CPS1: variants seen among roughly 807,000 people sequenced by gnomAD.
The protein encoded by CPS1 is carbamoyl-phosphate synthase 1.
CPS1 carries 109 observed loss-of-function variants against 174.6 expected under a neutral mutation model. The observed-to-expected ratio is 0.62, with a 90% confidence interval of 0.53 to 0.73. The LOEUF is 0.73. Ranked by LOEUF, CPS1 falls within the 30% of genes least tolerant of loss-of-function variation. CPS1 has a pLI of 0.00. For missense variants in CPS1, 1,689 were observed against 1,821.9 expected (o/e 0.93, Z 1.33); for synonymous variants, 637 against 632.0 (o/e 1.01, Z -0.12).
chr2:210,508,381 G>A (rs532344311), intron 1 of CPS1, among the ~76,000 whole-genome samples: 10 of 151,792 alleles, frequency 6.6e-5, no homozygotes, highest in South Asian at 2.1e-4. Context: ...TCAAAGCAGT[G>A]TGTAGAGGGA....
At chr2:210,514,232 T>G (rs1179963025) in intron 1 of CPS1, among the ~76,000 whole-genome samples, 1 of 151,896 alleles carries the variant, frequency 6.6e-6, no homozygotes, top group Non-Finnish European at 1.5e-5. Context: ...TGACATTGGT[T>G]GTTTGATAGG....
At chr2:210,597,072 T>G (rs968913757) in intron 13 of CPS1, among the ~76,000 whole-genome samples, 5 of 151,912 alleles carry the variant, frequency 3.3e-5, no homozygotes, top group Non-Finnish European at 7.4e-5. Flanking sequence ...ATAATTTGAC[T>G]TATAAAAAAT....
At chr2:210,565,069 C>G (rs1398640708) in intron 1 of CPS1, among the ~76,000 whole-genome samples, 1 of 151,412 alleles carries the variant, frequency 6.6e-6, no homozygotes. Context: ...GATCATATAG[C>G]TATTTTTGTA....
chr2:210,580,379 C>T (rs938083788), intron 5 of CPS1, among the ~76,000 whole-genome samples: 1 of 151,952 alleles, frequency 6.6e-6, no homozygotes, highest in Non-Finnish European at 1.5e-5. Context: ...CAACATCTGA[C>T]CCCTCCTCTG....
In CPS1 at chr2:210,624,339, C is replaced by G. The variant is rs558755241; in HGVS notation, c.2687+7798C>G. On this transcript the variant is annotated intron_variant, in intron 21 of 37. Transcript: ENST00000233072. The stretch of plus-strand genomic sequence containing the variant: ...TGAATATATACTATATGTGAAGTAA[C>G]AAACTTTAAAGAAAAACAGTCTTAC... Among the ~76,000 whole-genome samples, 3 of 152,156 alleles carry G rather than the reference C, an allele frequency of 2.0e-5. No individual in the cohort carries two copies. In the East Asian group the frequency reaches 5.8e-4, roughly 29 times the overall value.
At chr2:210,517,745 T>A (rs1299082373) in intron 1 of CPS1, among the ~76,000 whole-genome samples, 1 of 152,010 alleles carries the variant, frequency 6.6e-6, no homozygotes, top group East Asian at 1.9e-4. Context: ...TTTGAATTTT[T>A]TTCCTAGAGG....
intron 14 of CPS1, among the ~76,000 whole-genome samples, chr2:210,600,305 G>A (rs562118158): frequency 4.0e-4 from 61 of 151,854 alleles, no homozygotes; most frequent in African/African-American, 1.5e-3. Context: ...ATAATACTAT[G>A]ACTTTTATTA....
intron 1 of CPS1, among the ~76,000 whole-genome samples, chr2:210,489,967 C>A (rs1694826094): frequency 7.5e-6 from 1 of 133,270 alleles, no homozygotes; most frequent in African/African-American, 2.8e-5. Flanking sequence ...CACTGCACTC[C>A]AGCCTGGGTG....
At chr2:210,505,857 G>T (rs1695266427) in intron 1 of CPS1, among the ~76,000 whole-genome samples, 1 of 152,212 alleles carries the variant, frequency 6.6e-6, no homozygotes, top group African/African-American at 2.4e-5. Context: ...ACCTGCCATT[G>T]CTGAGGCTTG....
At chr2:210,517,832 A>T (rs571480296) in intron 1 of CPS1, among the ~76,000 whole-genome samples, 9 of 152,110 alleles carry the variant, frequency 5.9e-5, no homozygotes, top group African/African-American at 2.2e-4. Flanking sequence ...TCTTATGGCT[A>T]TGCTGTAGTT....
Position 210,590,389 on chromosome 2 carries a change from G to C in CPS1, c.840+155G>C, listed in dbSNP as rs182548513. 7.4e-3 allele frequency among the ~76,000 whole-genome samples: 1,123 copies of C among 152,122 alleles called. 9 individuals are homozygous for C. Among genetic ancestry groups the C allele is most frequent in the Middle Eastern group, 0.014 (4 of 294 alleles). On this transcript the variant is annotated intron_variant, in intron 8 of 37. Coordinates refer to ENST00000233072, the MANE Select transcript of CPS1 (RefSeq NM_001875.5). ...CAGTGTCAGTAGAGATATTCTGTAG[G>C]GGAACCAATGAGGAGAGAATATCAG...
chr2:210,663,059 C>G, intron 32 of CPS1, 64 bp from the exon 33 acceptor site: 2 of 1,445,760 alleles, frequency 1.4e-6, no homozygotes, highest in Non-Finnish European at 1.9e-6. Flanking sequence ...TATTTATCCT[C>G]TCTTATTCAT....
chr2:210,609,122 A>G (rs896676189), intron 19 of CPS1, among the ~76,000 whole-genome samples: 3 of 151,990 alleles, frequency 2.0e-5, no homozygotes, highest in African/African-American at 7.2e-5. Flanking sequence ...CTCTTTAATT[A>G]TACTAAAAAG....
rs373326677 is a variant in CPS1 at position 210,658,604 on chromosome 2, G to A, written c.3672G>A (p.Lys1224=). 4 of 1,613,874 alleles carry A rather than the reference G, an allele frequency of 2.5e-6. No individual in the cohort carries two copies. Among genetic ancestry groups the A allele is most frequent in the South Asian group, 1.1e-5 (1 of 91,070 alleles). The part of the protein sequence containing the change: ...TISQGAIEKV[K]DATRKIAKAF... ...GATTATGCTTTTTAATTCAGGTGAA[G>A]GATGCTACCCGGAAGATTGCAAAGG... The change falls in exon 31 of 38, where the codon AAG becomes AAA. Residue 1224 remains lysine (K), a synonymous_variant. Coordinates refer to ENST00000233072, the MANE Select transcript of CPS1 (RefSeq NM_001875.5).
chr2:210,658,338 A>G, intron 30 of CPS1: 1 of 404,086 alleles, frequency 2.5e-6, no homozygotes. Context: ...ATATAATTGT[A>G]GGTAGATAGG....
chr2:210,675,068 T>C, intron 35 of CPS1, 107 bp downstream of exon 35: 1 of 887,490 alleles, frequency 1.1e-6, no homozygotes. Flanking sequence ...GTCCTTTTGA[T>C]ATGAAAGGTT....
intron 21 of CPS1, among the ~76,000 whole-genome samples, chr2:210,634,441 A>G (rs760180153): frequency 6.8e-4 from 104 of 152,330 alleles, no homozygotes; most frequent in Non-Finnish European, 1.4e-3. Flanking sequence ...AAAGAAAAAA[A>G]AAATGTTTCC....
At chr2:210,559,989 G>A (rs1574524171) in intron 1 of CPS1, among the ~76,000 whole-genome samples, 2 of 152,166 alleles carry the variant, frequency 1.3e-5, no homozygotes, top group East Asian at 3.9e-4. Flanking sequence ...AGATCAAAGA[G>A]TCCTTATGTT....
intron 1 of CPS1, among the ~76,000 whole-genome samples, chr2:210,505,064 A>C (rs1333644776): frequency 6.6e-6 from 1 of 151,056 alleles, no homozygotes; most frequent in African/African-American, 2.4e-5. Flanking sequence ...GCCACCACAC[A>C]CTCTGCCTAA....
Sources: allele counts gnomAD v4.1 joint callset (sites outside exome capture counted in the v4.1 genomes callset), GRCh38; gene constraint gnomAD v4.1.1; transcripts MANE v1.5; gene names NCBI Gene and HGNC (gene_info 2026-07-23, HGNC 2026-07-21).